Variants in EYS observed in about 807,000 individuals in gnomAD.
EYS encodes protein eyes shut homolog.
In EYS, 250 loss-of-function variants were observed where a neutral mutation model predicts 282.1. The observed-to-expected ratio is 0.89, with a 90% CI of 0.80 to 0.98. The LOEUF (loss-of-function observed/expected upper bound fraction) is 0.98. EYS is among the 50% of genes least tolerant of loss of function. The pLI, the probability that EYS is intolerant of heterozygous loss-of-function variation, is 0.00. For synonymous variants in EYS, 1,355 were observed against 1,282.9 expected, an observed-to-expected ratio of 1.06 and a Z score of -1.20; for missense variants, 4,016 against 3,709.0, an observed-to-expected ratio of 1.08 and a Z score of -2.15.
intron 1 of EYS, among the ~76,000 whole-genome samples, chr6:65,648,314 A>ATATGTGTGTGTGTGTGTGTGTG (rs373479571): frequency 1.2e-3 from 183 of 147,886 alleles, no homozygotes; most frequent in East Asian, 4.3e-3. Flanking sequence ...AAGAAAATAT[A>ATATGTGTGTGTGTGTGTGTGTG]TGTGTGTGTG....
intron 7 of EYS, among the ~76,000 whole-genome samples, chr6:65,391,328 G>A (rs1425459083): frequency 6.6e-6 from 1 of 152,006 alleles, no homozygotes; most frequent in Non-Finnish European, 1.5e-5. Flanking sequence ...TAGTTATATA[G>A]TTTATGACCA....
chr6:64,304,969 G>A (rs892110286), intron 30 of EYS, among the ~76,000 whole-genome samples: 2 of 151,888 alleles, frequency 1.3e-5, no homozygotes, highest in Non-Finnish European at 2.9e-5. Context: ...AGCTAAAAAA[G>A]AAGAAAGAAC....
intron 2 of EYS, among the ~76,000 whole-genome samples, chr6:65,618,011 A>G (rs1445362474): frequency 6.6e-6 from 1 of 152,200 alleles, no homozygotes; most frequent in African/African-American, 2.4e-5. Context: ...TGCAATAAAC[A>G]TACATGTGCA....
At chr6:63,888,681 G>T (rs1262312573) in intron 35 of EYS, among the ~76,000 whole-genome samples, 2 of 152,210 alleles carry the variant, frequency 1.3e-5, no homozygotes, top group East Asian at 1.9e-4. Flanking sequence ...TGAAGATGTG[G>T]TAAACCAGCG....
intron 12 of EYS, among the ~76,000 whole-genome samples, chr6:65,157,703 G>C (rs2150219411): frequency 6.6e-6 from 1 of 150,586 alleles, no homozygotes; most frequent in East Asian, 2.0e-4. Context: ...TATCTATTTT[G>C]AGCAAAATAT....
intron 2 of EYS, among the ~76,000 whole-genome samples, chr6:65,563,205 A>G (rs1769133105): frequency 6.6e-6 from 1 of 152,164 alleles, no homozygotes. Context: ...AGTTTAGTAC[A>G]TACTCATTTC....
intron 31 of EYS, among the ~76,000 whole-genome samples, chr6:64,158,431 C>A (rs915937423): frequency 2.0e-5 from 3 of 152,074 alleles, no homozygotes; most frequent in Admixed American, 6.5e-5. Context: ...CTAAATTGTT[C>A]AAAAACATAG....
chr6:65,599,764 T>C (rs963554128), intron 2 of EYS, among the ~76,000 whole-genome samples: 1 of 152,056 alleles, frequency 6.6e-6, no homozygotes, highest in African/African-American at 2.4e-5. Context: ...TCTTAGTTTT[T>C]GTCTCCTTAA....
chr6:65,049,883 T>A (rs1773215001), intron 13 of EYS, among the ~76,000 whole-genome samples: 1 of 151,712 alleles, frequency 6.6e-6, no homozygotes. Flanking sequence ...GGATGGGCCG[T>A]ACATTAACTT....
chr6:64,087,498 T>C (rs906158881), intron 31 of EYS, among the ~76,000 whole-genome samples: 78 of 152,044 alleles, frequency 5.1e-4, no homozygotes, highest in African/African-American at 1.8e-3. Flanking sequence ...AAAAGGAAAG[T>C]CCATAAGCCT....
chr6:65,148,140 A>G, intron 12 of EYS, among the ~76,000 whole-genome samples: 1 of 152,046 alleles, frequency 6.6e-6, no homozygotes, highest in East Asian at 1.9e-4. Flanking sequence ...AAACAAAAAC[A>G]TGCATTCTCA....
At chr6:64,841,958 G>T (rs2150035407) in intron 19 of EYS, among the ~76,000 whole-genome samples, 2 of 152,198 alleles carry the variant, frequency 1.3e-5, no homozygotes, top group Middle Eastern at 6.8e-3. Context: ...TGATGGAAAT[G>T]TCAATAAGCC....
At chr6:65,322,300 G>A (rs1385085947) in intron 11 of EYS, among the ~76,000 whole-genome samples, 1 of 152,168 alleles carries the variant, frequency 6.6e-6, no homozygotes, top group Admixed American at 6.5e-5. Context: ...TTAAGCCGAG[G>A]CATGAAATGT....
At chr6:64,561,028 G>A (rs574028460) in intron 26 of EYS, among the ~76,000 whole-genome samples, 145 of 152,166 alleles carry the variant, frequency 9.5e-4, no homozygotes, top group Non-Finnish European at 1.9e-3. Context: ...ATGCAAGGTT[G>A]GTTCAACATA....
At chr6:64,632,125 G>A (rs2149862038) in intron 22 of EYS, among the ~76,000 whole-genome samples, 1 of 152,098 alleles carries the variant, frequency 6.6e-6, no homozygotes, top group East Asian at 1.9e-4. Context: ...ATGCTCAGAA[G>A]CTGAGTGTTT....
At chr6:65,498,705 C>A (rs1186283050) in intron 2 of EYS, among the ~76,000 whole-genome samples, 2 of 151,868 alleles carry the variant, frequency 1.3e-5, no homozygotes, top group Non-Finnish European at 2.9e-5. Flanking sequence ...CAATGTATAT[C>A]TATACATGCT....
At chr6:64,222,516 C>T (rs2150333920) in intron 31 of EYS, among the ~76,000 whole-genome samples, 1 of 152,108 alleles carries the variant, frequency 6.6e-6, no homozygotes, top group East Asian at 1.9e-4. Flanking sequence ...CTCTTCAATC[C>T]TTTTCCCTGA....
chr6:64,722,525 A>T (rs60845900), intron 22 of EYS, among the ~76,000 whole-genome samples: 2,882 of 152,068 alleles, frequency 0.019, 110 homozygotes, highest in African/African-American at 0.065. Flanking sequence ...TGAAAAAAAA[A>T]AAAACCAGAA....
chr6:64,106,591 C>T (rs1773019974), intron 31 of EYS, among the ~76,000 whole-genome samples: 1 of 151,432 alleles, frequency 6.6e-6, no homozygotes, highest in Admixed American at 6.6e-5. Context: ...TTATTTTCTG[C>T]ATTTTGAATA....
Sources: allele counts gnomAD v4.1 joint callset (sites outside exome capture counted in the v4.1 genomes callset), GRCh38; gene constraint gnomAD v4.1.1; transcripts MANE v1.5; gene names NCBI Gene and HGNC (gene_info 2026-07-23, HGNC 2026-07-21).